The following GMEB2 variants were observed in gnomAD, a reference collection of about 807,000 sequenced individuals.
GMEB2 encodes the protein glucocorticoid modulatory element binding protein 2.
In GMEB2, 7 loss-of-function variants were observed where a neutral mutation model predicts 45.7. The observed-to-expected ratio is 0.15, with a 90% CI of 0.09 to 0.29. The LOEUF is 0.29. GMEB2 is among the 10% of genes least tolerant of loss of function. The probability of loss-of-function intolerance (pLI) is 1.00; values close to 1 mark genes in which losing one functional copy is unlikely to be tolerated. For missense variants in GMEB2, 582 were observed against 739.2 expected, an observed-to-expected ratio of 0.79 and a Z score of 2.47; for synonymous variants, 322 against 323.6, an observed-to-expected ratio of 1.00 and a Z score of 0.05.
intron 5 of GMEB2, among the ~76,000 whole-genome samples, chr20:63,597,072 T>C (rs1054988658): frequency 6.6e-6 from 1 of 151,958 alleles, no homozygotes; most frequent in Non-Finnish European, 1.5e-5. Flanking sequence ...GGCCAAAATC[T>C]GATGCACAAA....
chr20:63,624,281 T>G (rs2089656265), intron 1 of GMEB2, among the ~76,000 whole-genome samples: 1 of 150,174 alleles, frequency 6.7e-6, no homozygotes, highest in South Asian at 2.1e-4. Context: ...AAAAACAAAT[T>G]GGCCGGGCAT....
chr20:63,606,417 C>T (rs1366240518), intron 2 of GMEB2, among the ~76,000 whole-genome samples: 2 of 151,516 alleles, frequency 1.3e-5, no homozygotes, highest in African/African-American at 4.8e-5. Flanking sequence ...GCGCAATCCC[C>T]GCCCACTGCA....
intron 2 of GMEB2, among the ~76,000 whole-genome samples, chr20:63,610,783 G>T (rs901700503): frequency 1.3e-5 from 2 of 152,192 alleles, no homozygotes; most frequent in African/African-American, 4.8e-5. Context: ...ATGCCCTCTG[G>T]TCCTTCATGG....
chr20:63,612,066 A>G (rs920403379), intron 2 of GMEB2, among the ~76,000 whole-genome samples: 1 of 152,226 alleles, frequency 6.6e-6, no homozygotes, highest in Admixed American at 6.5e-5. Context: ...GAAAAACAAA[A>G]AATCATTTCA....
chr20:63,612,488 AG>A (rs1410928432), intron 2 of GMEB2, among the ~76,000 whole-genome samples: 2 of 152,240 alleles, frequency 1.3e-5, no homozygotes, highest in East Asian at 3.8e-4. Context: ...GGGAAGGCCC[AG>A]GAAAAGGCGG....
At chr20:63,620,432 C>A (rs2089636891) in intron 1 of GMEB2, among the ~76,000 whole-genome samples, 1 of 152,146 alleles carries the variant, frequency 6.6e-6, no homozygotes, top group South Asian at 2.1e-4. Context: ...TGGTTTCCAG[C>A]CAGAGGGCAA....
chr20:63,604,326 G>A lies in GMEB2; in HGVS notation c.229+417C>T, dbSNP rs1043288781. ...CTGGGAGGTTAAGGCTATGGTGAAC[G>A]GTGATCGTGCCACTGCACTCTAGCC... On this transcript the variant is annotated intron_variant, in intron 3 of 9. Coordinates refer to ENST00000370077, the MANE Select transcript of GMEB2 (RefSeq NM_012384.5). Among the ~76,000 whole-genome samples the A allele has an allele frequency of 4.6e-5, 7 of 150,970 alleles. No individual in the cohort carries two copies. The East Asian group carries it at 5.9e-4, about 13-fold the overall frequency.
chr20:63,591,310 C>T (rs945461352), intron 9 of GMEB2, among the ~76,000 whole-genome samples: 1 of 152,056 alleles, frequency 6.6e-6, no homozygotes, highest in Non-Finnish European at 1.5e-5. Context: ...AATACACACA[C>T]ATTGAACACA....
intron 2 of GMEB2, among the ~76,000 whole-genome samples, chr20:63,617,623 G>A (rs6062465): frequency 0.21 from 15,943 of 76,768 alleles, 44 homozygotes; most frequent in Middle Eastern, 0.31. Flanking sequence ...CACGGCTCGG[G>A]TGAGGTGACC....
At chr20:63,603,557 C>T (rs113575706) in intron 3 of GMEB2, among the ~76,000 whole-genome samples, 4 of 151,922 alleles carry the variant, frequency 2.6e-5, no homozygotes, top group African/African-American at 4.8e-5. Flanking sequence ...GGTGAAACCC[C>T]GTCTCTACTA....
chr20:63,610,437 C>T (rs1247491377), intron 2 of GMEB2, among the ~76,000 whole-genome samples: 3 of 152,092 alleles, frequency 2.0e-5, no homozygotes, highest in Admixed American at 6.5e-5. Context: ...AAGAGAATGG[C>T]GTGAACCCGG....
In GMEB2 at chr20:63,619,429, G is replaced by A. The variant is rs952577209; in HGVS notation, c.-32C>T. On this transcript the variant is annotated 5_prime_UTR_variant, in exon 2 of 10. Transcript: ENST00000370077. The surrounding 1 kb of genome is among the most constrained non-coding windows in gnomAD (Gnocchi z 4.6). Reference sequence around the variant, plus strand: ...GCGGAAGGGGACGCCCAGGCCAGCAGCGTCAGTCCTCCAGGGTCCCAAGTC... The same window carrying A: ...GCGGAAGGGGACGCCCAGGCCAGCAACGTCAGTCCTCCAGGGTCCCAAGTC... 1.2e-6 allele frequency: 2 copies of A among 1,601,986 alleles called. No homozygotes were observed. Among genetic ancestry groups the A allele is most frequent in the Non-Finnish European group, 1.7e-6 (2 of 1,177,464 alleles).
chr20:63,595,617 T>C lies in GMEB2; in HGVS notation c.612A>G (p.Ala204=). 1 of 1,607,154 alleles carries C rather than the reference T, an allele frequency of 6.2e-7. No individual in the cohort carries two copies. Among genetic ancestry groups the C allele is most frequent in the Non-Finnish European group, 8.5e-7 (1 of 1,177,594 alleles). The change falls in exon 6 of 10, where the codon GCA becomes GCG. Residue 204 remains alanine (A), a synonymous_variant. Transcript: ENST00000370077. ...SAEYIPLTPA[A]ADVNGSPATI... ...GCAGCCCTGTGCACCTACCGTCGGC[T>C]GCGGCGGGCGTGAGGGGAATGTACT...
chr20:63,622,195 ATTG>A (rs1177302337), intron 1 of GMEB2, among the ~76,000 whole-genome samples: 1 of 152,142 alleles, frequency 6.6e-6, no homozygotes, highest in East Asian at 1.9e-4. Context: ...TAAAATCATC[ATTG>A]TTAATATAAA....
At chr20:63,591,179 A>G (rs1555892456) in intron 9 of GMEB2, among the ~76,000 whole-genome samples, 3 of 152,002 alleles carry the variant, frequency 2.0e-5, no homozygotes, top group Non-Finnish European at 4.4e-5. Flanking sequence ...AAACATGCAC[A>G]CACACATGCA....
chr20:63,590,970 C>A (rs2083141721), intron 9 of GMEB2, among the ~76,000 whole-genome samples: 1 of 152,088 alleles, frequency 6.6e-6, no homozygotes, highest in South Asian at 2.1e-4. Context: ...AGGGTCTGCA[C>A]TGACCCGGGG....
chr20:63,623,636 A>G (rs1197616717), intron 1 of GMEB2, among the ~76,000 whole-genome samples: 2 of 150,282 alleles, frequency 1.3e-5, no homozygotes, highest in South Asian at 2.1e-4. Context: ...CGTCTCTACT[A>G]AAAATACAAA....
rs563122614 is a variant in GMEB2, at chr20:63,615,865, C to T, written c.131+3402G>A. ...GACCTGGGGTGCTTTTCAACATGTA[C>T]GTGAGTTTAATAATAAAAAGGTTTA... On this transcript the variant is annotated intron_variant, in intron 2 of 9. Coordinates refer to ENST00000370077, the MANE Select transcript of GMEB2 (RefSeq NM_012384.5). Among the ~76,000 whole-genome samples the T allele has an allele frequency of 2.1e-4, 32 of 151,998 alleles. No individual in the cohort carries two copies. The South Asian group carries it at 3.5e-3, about 17-fold the overall frequency.
At chr20:63,596,550 G>A (rs939977233) in intron 5 of GMEB2, among the ~76,000 whole-genome samples, 4 of 152,254 alleles carry the variant, frequency 2.6e-5, no homozygotes, top group Non-Finnish European at 5.9e-5. Context: ...CCACGTTCCA[G>A]AAAATCAGAG....
Sources: allele counts gnomAD v4.1 joint callset (sites outside exome capture counted in the v4.1 genomes callset), GRCh38; gene constraint gnomAD v4.1.1; non-coding constraint Gnocchi (gnomAD v3.1); transcripts MANE v1.5; gene names NCBI Gene and HGNC (gene_info 2026-07-23, HGNC 2026-07-21).